The following AKAP13 variants were observed in gnomAD, a reference collection of about 807,000 sequenced individuals.
AKAP13 encodes A-kinase anchor protein 13.
In AKAP13, 80 loss-of-function variants were observed where a neutral mutation model predicts 264.5. The ratio of observed to expected loss-of-function variants is 0.30; its 90% CI spans 0.25 to 0.36. The LOEUF is 0.36. Ranked by LOEUF, AKAP13 falls within the 10% of genes least tolerant of loss-of-function variation. The probability of loss-of-function intolerance (pLI) is 1.00; values close to 1 mark genes in which losing one functional copy is unlikely to be tolerated. For synonymous variants in AKAP13, 1,380 were observed against 1,250.2 expected, an observed-to-expected ratio of 1.10 and a Z score of -2.19; for missense variants, 3,712 against 3,435.2, an observed-to-expected ratio of 1.08 and a Z score of -2.01.
intron 12 of AKAP13, chr15:85,662,501 AC>A: frequency 6.2e-7 from 1 of 1,609,616 alleles, no homozygotes; most frequent in African/African-American, 1.3e-5. Flanking sequence ...ACCATAAAAT[AC>A]GCCATCAGGG....
At chr15:85,541,670 C>G (rs191276229) in intron 4 of AKAP13, among the ~76,000 whole-genome samples, 7 of 152,330 alleles carry the variant, frequency 4.6e-5, no homozygotes, top group Non-Finnish European at 1.0e-4. Flanking sequence ...GCTATTAATT[C>G]TATGAATCTG....
Position 85,505,987 on chromosome 15 carries a change from A to T in AKAP13, c.34-15441A>T, listed in dbSNP as rs1164236624. 3.3e-5 allele frequency among the ~76,000 whole-genome samples: 5 copies of T among 152,170 alleles called. No individual in the cohort carries two copies. The East Asian group carries it at 9.6e-4, about 29-fold the overall frequency. On this transcript the variant is annotated intron_variant, in intron 2 of 36. Coordinates refer to ENST00000394518, the MANE Select transcript of AKAP13 (RefSeq NM_007200.5). ...TCTCATCCAGTCATCTTAAGTATTT[A>T]AGATGAATTGTAGAAAGATTGTCAG... is the stretch of plus-strand genomic sequence containing the variant.
At chr15:85,598,538 C>T (rs1313416627) in intron 8 of AKAP13, among the ~76,000 whole-genome samples, 2 of 152,134 alleles carry the variant, frequency 1.3e-5, no homozygotes, top group Non-Finnish European at 2.9e-5. Flanking sequence ...GAACATAGTC[C>T]CTTCTTCCAG....
intron 1 of AKAP13, among the ~76,000 whole-genome samples, chr15:85,445,327 A>G (rs1174932961): frequency 6.6e-6 from 1 of 152,222 alleles, no homozygotes; most frequent in Non-Finnish European, 1.5e-5. Flanking sequence ...TCGAGAGCTC[A>G]CAGTGGGAGT....
At chr15:85,401,431 T>A (rs964009233) in intron 1 of AKAP13, among the ~76,000 whole-genome samples, 5 of 152,218 alleles carry the variant, frequency 3.3e-5, no homozygotes, top group Non-Finnish European at 7.3e-5. Flanking sequence ...CCAAAGGACC[T>A]CTGTTTTGGA....
chr15:85,638,055 A>AG (rs2082144302), intron 8 of AKAP13, among the ~76,000 whole-genome samples: 1 of 147,326 alleles, frequency 6.8e-6, no homozygotes, highest in Admixed American at 6.8e-5. Context: ...ATTTTTTTGT[A>AG]TTTTTTTTTT....
rs2080176536 is a variant in AKAP13, at chr15:85,603,329, C to T, written c.4161+17506C>T. 2.6e-5 allele frequency among the ~76,000 whole-genome samples: 4 copies of T among 152,212 alleles called. No homozygotes were observed. The South Asian group carries it at 8.3e-4, about 32-fold the overall frequency. ...TATGGCAGTGAAGACTATAATGACTCCTGATTCATTCTGGCACCAATGCCT... is the reference window on the plus strand; with the variant it reads ...TATGGCAGTGAAGACTATAATGACTTCTGATTCATTCTGGCACCAATGCCT... On this transcript the variant is annotated intron_variant, in intron 8 of 36. Transcript: ENST00000394518.
chr15:85,439,266 T>G (rs1230743643), intron 1 of AKAP13, among the ~76,000 whole-genome samples: 4 of 145,180 alleles, frequency 2.8e-5, no homozygotes, highest in African/African-American at 7.7e-5. Context: ...AAAACCACAA[T>G]GAGATACCAT....
intron 3 of AKAP13, among the ~76,000 whole-genome samples, chr15:85,532,266 AACTT>A (rs2077265589): frequency 6.6e-6 from 1 of 152,226 alleles, no homozygotes; most frequent in Non-Finnish European, 1.5e-5. Flanking sequence ...GTGGAAAATT[AACTT>A]ACTTATTATT....
intron 1 of AKAP13, among the ~76,000 whole-genome samples, chr15:85,476,058 A>T (rs1444901316): frequency 6.6e-6 from 1 of 152,188 alleles, no homozygotes; most frequent in Non-Finnish European, 1.5e-5. Flanking sequence ...CTTACTGCTG[A>T]TAGTGTGGGT....
intron 3 of AKAP13, among the ~76,000 whole-genome samples, chr15:85,526,529 G>A (rs1485172067): frequency 1.3e-5 from 2 of 152,086 alleles, no homozygotes; most frequent in African/African-American, 4.8e-5. Context: ...CCTCCACCTA[G>A]CAAAGTGTTG....
At chr15:85,486,033 G>A (rs984800082) in intron 2 of AKAP13, among the ~76,000 whole-genome samples, 6 of 152,222 alleles carry the variant, frequency 3.9e-5, no homozygotes, top group African/African-American at 1.4e-4. Context: ...CTGCCAAACA[G>A]TACTGTAGCT....
At chr15:85,692,481 AGTG>A (rs1217794374) in intron 16 of AKAP13, among the ~76,000 whole-genome samples, 4 of 149,966 alleles carry the variant, frequency 2.7e-5, no homozygotes, top group African/African-American at 5.0e-5. Context: ...GAGTAGTAGT[AGTG>A]GTGGTGGTGG....
intron 17 of AKAP13, chr15:85,701,250 T>C (rs1443068353): frequency 6.6e-6 from 1 of 152,134 alleles, no homozygotes; most frequent in Non-Finnish European, 1.5e-5. Context: ...TGAAGTCCAG[T>C]GTGTTATCAC....
At chr15:85,660,014 A>C (rs1002443342) in intron 12 of AKAP13, among the ~76,000 whole-genome samples, 3 of 152,158 alleles carry the variant, frequency 2.0e-5, no homozygotes, top group Admixed American at 2.0e-4. Flanking sequence ...GAAAGGGCAG[A>C]CGTTGTAGAC....
rs765710494 is a variant in AKAP13 at position 85,664,590 on chromosome 15, A to G, written c.4827A>G (p.Gly1609=). 6.2e-7 allele frequency: 1 copy of G among 1,613,378 alleles called. No homozygotes were observed. Among genetic ancestry groups the G allele is most frequent in the East Asian group, 2.2e-5 (1 of 44,856 alleles). The part of the protein sequence containing the change: ...RSFSLEGLTG[G]AGVGNKPSSS... ...TCAGTCTAGAAGGCTTGACAGGAGG[A>G]GCTGGTGTCGGAAACAAGCCATCCT... is the stretch of plus-strand genomic sequence containing the variant. Residue 1609 remains glycine (G), a synonymous_variant, in exon 13 of 37, where the codon GGA becomes GGG. Coordinates refer to ENST00000394518, the MANE Select transcript of AKAP13 (RefSeq NM_007200.5).
rs747618604 is a variant in AKAP13, at chr15:85,581,611, T to C, written c.3543T>C (p.Asp1181=). The change falls in exon 7 of 37, where the codon GAT becomes GAC. Residue 1181 remains aspartate (D), a synonymous_variant. Transcript: ENST00000394518. ...MGDAEEAQID[D]EAHPVLLQPV... The stretch of plus-strand genomic sequence containing the variant: ...ACGCTGAGGAAGCCCAAATAGACGA[T>C]GAAGCACATCCTGTCCTACTGCAGC... 3.0e-5 allele frequency: 49 copies of C among 1,614,020 alleles called. No homozygotes were observed. Among genetic ancestry groups the C allele is most frequent in the Non-Finnish European group, 4.1e-5 (48 of 1,180,034 alleles).
At chr15:85,618,623 G>C (rs1384032750) in intron 8 of AKAP13, among the ~76,000 whole-genome samples, 4 of 152,148 alleles carry the variant, frequency 2.6e-5, no homozygotes, top group African/African-American at 9.7e-5. Flanking sequence ...GTTAGATAGA[G>C]TGGGGGGCTA....
intron 8 of AKAP13, among the ~76,000 whole-genome samples, chr15:85,632,723 T>A (rs2081894870): frequency 1.3e-5 from 2 of 152,356 alleles, no homozygotes; most frequent in East Asian, 3.9e-4. Context: ...AAACTCACTT[T>A]ATGTAACACA....
Sources: gnomAD v4.1 joint callset for allele counts (sites outside exome capture counted in the v4.1 genomes callset) on GRCh38, gnomAD v4.1.1 for gene constraint, MANE v1.5 for transcripts, NCBI Gene and HGNC (gene_info 2026-07-23, HGNC 2026-07-21) for gene names.